The following DYRK1A variants were observed in gnomAD, a reference collection of about 807,000 sequenced individuals.
The protein encoded by DYRK1A is dual specificity tyrosine phosphorylation regulated kinase 1A.
In DYRK1A, 9 loss-of-function variants were observed where a neutral mutation model predicts 79.7. That is an observed-to-expected ratio of 0.11 (90% CI 0.07 to 0.20). The LOEUF is 0.20. Ranked by LOEUF, DYRK1A falls within the 10% of genes least tolerant of loss-of-function variation. The pLI is 1.00. For missense variants in DYRK1A, 622 were observed against 956.0 expected (o/e 0.65, Z 4.61); for synonymous variants, 349 against 329.7 (o/e 1.06, Z -0.63).
Position 37,367,618 on chromosome 21 carries a change from CCA to C in DYRK1A, c.-86_-85del, listed in dbSNP as rs1483092082. 1 of 145,936 alleles carries C rather than the reference CCA, an allele frequency of 6.9e-6. No homozygotes were observed. The highest frequency in any genetic ancestry group is 1.5e-5 in the Non-Finnish European group (1 of 65,586). The allele number at this position is 145,936 out of a possible 1,614,324, so 9.0% of individuals were successfully genotyped here. ...CGGAGGAAGCGGCGCGAGCGCCCCG[CCA>C]TCGTCCCGGTGAGTGTCCGGCCCGG... is the stretch of plus-strand genomic sequence containing the variant. On this transcript the variant is annotated 5_prime_UTR_variant, in exon 1 of 12. Coordinates refer to ENST00000647188, the MANE Select transcript of DYRK1A (RefSeq NM_001347721.2).
intron 1 of DYRK1A, among the ~76,000 whole-genome samples, chr21:37,398,874 A>G (rs1301659712): frequency 1.3e-5 from 2 of 152,128 alleles, no homozygotes; most frequent in Non-Finnish European, 2.9e-5. Flanking sequence ...ATCCTTTTGT[A>G]AAAAGCACAG....
intron 2 of DYRK1A, among the ~76,000 whole-genome samples, chr21:37,465,904 GA>G (rs2052009332): frequency 6.6e-6 from 1 of 152,122 alleles, no homozygotes; most frequent in African/African-American, 2.4e-5. Flanking sequence ...TAAAAAGATT[GA>G]AAAACAATTT....
intron 1 of DYRK1A, among the ~76,000 whole-genome samples, chr21:37,411,049 TAAAAAAAAAAAAA>T (rs35292922): frequency 7.1e-5 from 4 of 56,410 alleles, no homozygotes; most frequent in Non-Finnish European, 1.2e-4. Flanking sequence ...ATTCTGTCTT[TAAAAAAAAAAAAA>T]AAAAAAAAAA....
chr21:37,448,211 C>T (rs1416017736), intron 2 of DYRK1A, among the ~76,000 whole-genome samples: 1 of 152,208 alleles, frequency 6.6e-6, no homozygotes, highest in African/African-American at 2.4e-5. Context: ...TAATAGACAT[C>T]TCCCTGTCAG....
intron 2 of DYRK1A, among the ~76,000 whole-genome samples, chr21:37,444,994 A>G (rs1384624461): frequency 6.6e-6 from 1 of 152,146 alleles, no homozygotes; most frequent in African/African-American, 2.4e-5. Flanking sequence ...CATTTTACAA[A>G]TGAGAAAACT....
intron 2 of DYRK1A, among the ~76,000 whole-genome samples, chr21:37,439,913 T>A (rs961543431): frequency 2.6e-5 from 4 of 152,126 alleles, no homozygotes; most frequent in African/African-American, 9.7e-5. Context: ...TTCTTAATGT[T>A]AAACTGATAA....
rs2053954218 is a variant in DYRK1A, at chr21:37,524,278, A to G, written c.*11747A>G. On this transcript the variant is annotated 3_prime_UTR_variant, in exon 12 of 12. Coordinates refer to ENST00000647188, the MANE Select transcript of DYRK1A (RefSeq NM_001347721.2). ...CCCCCCATCTCCACAAAAAGTAAAA[A>G]AAAACCAAAATACATGTTGTTACTT... 6.6e-6 allele frequency: 1 copy of G among 152,156 alleles called. No homozygotes were observed. The highest frequency in any genetic ancestry group is 2.4e-5 in the African/African-American group (1 of 41,430). 9.4% of individuals were successfully genotyped at this position (152,156 alleles called of 1,614,324 possible).
At chr21:37,448,478 C>CG in intron 2 of DYRK1A, among the ~76,000 whole-genome samples, 1 of 152,208 alleles carries the variant, frequency 6.6e-6, no homozygotes, top group African/African-American at 2.4e-5. Flanking sequence ...AAAAGCTCTG[C>CG]AAGTGAGCTA....
intron 9 of DYRK1A, chr21:37,501,441 TACA>T (rs1346655071): frequency 6.6e-6 from 1 of 152,214 alleles, no homozygotes; most frequent in Admixed American, 6.5e-5. Flanking sequence ...GTGCTGGGGT[TACA>T]GGCATGAGCC....
At chr21:37,466,947 T>C (rs1036151555) in intron 2 of DYRK1A, among the ~76,000 whole-genome samples, 1 of 152,018 alleles carries the variant, frequency 6.6e-6, no homozygotes, top group Non-Finnish European at 1.5e-5. Context: ...TTATAAAAAC[T>C]TGATGTCAGT....
rs531546448 is a variant in DYRK1A, at chr21:37,373,192, A to T, written c.-77+5564A>T. Among the ~76,000 whole-genome samples the T allele has an allele frequency of 2.6e-5, 4 of 152,330 alleles. No homozygotes were observed. In the South Asian group the frequency reaches 6.2e-4, roughly 24 times the overall value. ...CTCGCTTCAGTATCCTGTATGCCAGATATAGATAGCACCGGCTGCCCTGCC... is the reference window on the plus strand; with the variant it reads ...CTCGCTTCAGTATCCTGTATGCCAGTTATAGATAGCACCGGCTGCCCTGCC... On this transcript the variant is annotated intron_variant, in intron 1 of 11. Transcript: ENST00000647188.
chr21:37,416,589 T>G (rs1196221395), intron 1 of DYRK1A, among the ~76,000 whole-genome samples: 1 of 152,158 alleles, frequency 6.6e-6, no homozygotes, highest in African/African-American at 2.4e-5. Context: ...AAAAAGTACT[T>G]TCTTCTGTCA....
At chr21:37,439,044 A>T (rs890821557) in intron 2 of DYRK1A, among the ~76,000 whole-genome samples, 3 of 152,072 alleles carry the variant, frequency 2.0e-5, no homozygotes, top group Non-Finnish European at 4.4e-5. Context: ...AGTATTTCAT[A>T]TTTTTGTCAC....
chr21:37,381,617 C>T (rs924671019), intron 1 of DYRK1A, among the ~76,000 whole-genome samples: 3 of 152,142 alleles, frequency 2.0e-5, no homozygotes, highest in Non-Finnish European at 2.9e-5. Context: ...TTTGTAGTAG[C>T]TTTCAGGTGC....
At chr21:37,389,412 C>T (rs1478393309) in intron 1 of DYRK1A, among the ~76,000 whole-genome samples, 2 of 152,032 alleles carry the variant, frequency 1.3e-5, no homozygotes, top group Non-Finnish European at 2.9e-5. Flanking sequence ...GCAGTCTGCC[C>T]GCCTTGGCCT....
At position 37,517,813 on chromosome 21, in the gene DYRK1A, T is replaced by G. The variant is rs1428570447; in HGVS notation, c.*5282T>G. 2.0e-5 allele frequency: 3 copies of G among 152,222 alleles called. No individual in the cohort carries two copies. Among genetic ancestry groups the G allele is most frequent in the Admixed American group, 2.0e-4 (3 of 15,290 alleles). 9.4% of individuals were successfully genotyped at this position (152,222 alleles called of 1,614,324 possible). On this transcript the variant is annotated 3_prime_UTR_variant, in exon 12 of 12. Coordinates refer to ENST00000647188, the MANE Select transcript of DYRK1A (RefSeq NM_001347721.2). ...ACAGAAAGACTGCAGAGAAGGGCAC[T>G]GCTGGGGTGGGGTTTGTTAACTCCC...
At chr21:37,382,190 C>T (rs532134859) in intron 1 of DYRK1A, among the ~76,000 whole-genome samples, 1 of 151,344 alleles carries the variant, frequency 6.6e-6, no homozygotes, top group Admixed American at 6.6e-5. Context: ...GGTTCCTGCC[C>T]TCATGAAGCT....
At chr21:37,429,757 A>C in intron 2 of DYRK1A, among the ~76,000 whole-genome samples, 1 of 152,234 alleles carries the variant, frequency 6.6e-6, no homozygotes, top group East Asian at 1.9e-4. Context: ...TTTAAGCATT[A>C]ATCAGTCAAT....
chr21:37,482,703 G>C (rs1165914868), intron 5 of DYRK1A, among the ~76,000 whole-genome samples: 3 of 152,140 alleles, frequency 2.0e-5, no homozygotes, highest in Admixed American at 1.3e-4. Context: ...AATAAGCCTG[G>C]GGGTGCTATG....
Sources: allele counts gnomAD v4.1 joint callset (sites outside exome capture counted in the v4.1 genomes callset), GRCh38; gene constraint gnomAD v4.1.1; transcripts MANE v1.5; gene names NCBI Gene and HGNC (gene_info 2026-07-23, HGNC 2026-07-21).